SLC7A5: variants seen among roughly 807,000 people sequenced by gnomAD.
SLC7A5 encodes the protein solute carrier family 7 member 5.
SLC7A5 carries 23 observed loss-of-function variants against 50.2 expected under a neutral mutation model. That is an observed-to-expected ratio of 0.46 (90% CI 0.33 to 0.65). SLC7A5 has a LOEUF of 0.65. Among genes scored for constraint, SLC7A5 ranks in the 30% least tolerant of loss-of-function variants. SLC7A5 has a pLI of 0.02. For missense variants in SLC7A5, 578 were observed against 684.4 expected, an observed-to-expected ratio of 0.84 and a Z score of 1.73; for synonymous variants, 393 against 330.6, an observed-to-expected ratio of 1.19 and a Z score of -2.05.
At chr16:87,845,060 G>T (rs1292259319) in intron 2 of SLC7A5, among the ~76,000 whole-genome samples, 1 of 152,160 alleles carries the variant, frequency 6.6e-6, no homozygotes, top group Non-Finnish European at 1.5e-5. Context: ...AGCTGGAAGG[G>T]GAAGGTGGCA....
rs16943300 is a variant in SLC7A5, at chr16:87,830,663, G to A, written c.*2307C>T. On this transcript the variant is annotated 3_prime_UTR_variant, in exon 10 of 10. Coordinates refer to ENST00000261622, the MANE Select transcript of SLC7A5 (RefSeq NM_003486.7). ...ACTGGACCCCCCACCAACCTTCTGC[G>A]GAGGAGCTCCCACCCCAGCTCAGAC... The A allele has an allele frequency of 0.066, 10,006 of 152,386 alleles. 382 individuals are homozygous for A. The highest frequency in any genetic ancestry group is 0.15 in the Middle Eastern group (44 of 296). 9.4% of individuals were successfully genotyped at this position (152,386 alleles called of 1,614,324 possible).
intron 8 of SLC7A5, 58 bp from the exon 9 acceptor site, chr16:87,834,649 G>A: frequency 6.5e-6 from 10 of 1,542,702 alleles, no homozygotes; most frequent in Non-Finnish European, 8.8e-6. Flanking sequence ...CCTCCCCCAT[G>A]CCCCGAGGTT....
Position 87,869,323 on chromosome 16 carries a change from C to A in SLC7A5, c.100G>T (p.Gly34Cys), listed in dbSNP as rs1395953845. 1.2e-6 allele frequency: 2 copies of A among 1,610,392 alleles called. No individual in the cohort carries two copies. Among genetic ancestry groups the A allele is most frequent in the African/African-American group, 1.3e-5 (1 of 74,856 alleles). Residue 34 changes from glycine (G) to cysteine (C), a missense_variant, in exon 1 of 10, where the codon GGC (glycine) becomes TGC (cysteine). By Grantham distance (159) the Gly-to-Cys change is radical. Around this residue, in one of 2 missense-constraint regions of SLC7A5, gnomAD observed 113 missense variants for 89.8 expected, o/e 1.26. Transcript: ENST00000261622. ...EKMLAAKSADGSAPAGEGEGV... is the reference protein window; with the variant it reads ...EKMLAAKSADCSAPAGEGEGV... ...TCGCCCTCGCCTGCCGGCGCCGAGC[C>A]GTCCGCGCTCTTGGCGGCCAGCATC... is the stretch of plus-strand genomic sequence containing the variant.
chr16:87,836,920 T>G, intron 7 of SLC7A5: 10 of 474,378 alleles, frequency 2.1e-5, no homozygotes, highest in East Asian at 1.2e-4. Flanking sequence ...GAGACCACAT[T>G]TGGGTTAAGG....
At chr16:87,858,177 C>A (rs2055344180) in intron 1 of SLC7A5, among the ~76,000 whole-genome samples, 1 of 152,224 alleles carries the variant, frequency 6.6e-6, no homozygotes, top group Non-Finnish European at 1.5e-5. Context: ...TGAACTCCGG[C>A]AAGTTCCTTT....
chr16:87,831,722 A>G lies in SLC7A5; in HGVS notation c.*1248T>C, dbSNP rs1254827370. 6.6e-6 allele frequency: 1 copy of G among 152,278 alleles called. No individual in the cohort carries two copies. The highest frequency in any genetic ancestry group is 2.4e-5 in the African/African-American group (1 of 41,458). The allele number at this position is 152,278 out of a possible 1,614,324, so 9.4% of individuals were successfully genotyped here. A position where few individuals can be genotyped will look rare whatever the true frequency, so the allele number is the denominator to read the frequency against. On this transcript the variant is annotated 3_prime_UTR_variant, in exon 10 of 10. Coordinates refer to ENST00000261622, the MANE Select transcript of SLC7A5 (RefSeq NM_003486.7). The stretch of plus-strand genomic sequence containing the variant: ...GCCATGGAGGCAGCGACAGCTCAGG[A>G]AAGTGGGCCGCATTGGCCAGGCCTC...
intron 1 of SLC7A5, among the ~76,000 whole-genome samples, chr16:87,856,835 A>G (rs4240805): frequency 0.36 from 54,633 of 151,936 alleles, 11,787 homozygotes; most frequent in African/African-American, 0.61. Context: ...GGGGGAACTT[A>G]TAAAAGCAGT....
Position 87,869,195 on chromosome 16 carries a change from G to C in SLC7A5, c.228C>G (p.Leu76=), listed in dbSNP as rs755737534. 5.0e-6 allele frequency: 8 copies of C among 1,612,444 alleles called. No individual in the cohort carries two copies. The highest frequency in any genetic ancestry group is 6.8e-6 in the Non-Finnish European group (8 of 1,179,836). The change falls in exon 1 of 10, where the codon CTC becomes CTG. Residue 76 remains leucine (L), a synonymous_variant. Transcript: ENST00000261622. ...CCAGCCCCGGCGAGCCTGCCTCCTT[G>C]AGCACGCCCGTGGGCGTCACGAAGA... is the stretch of plus-strand genomic sequence containing the variant. The part of the protein sequence containing the change: ...SGIFVTPTGV[L]KEAGSPGLAL...
rs1372602416 is a variant in SLC7A5 at position 87,860,449 on chromosome 16, A to G, written c.538+8436T>C. Among the ~76,000 whole-genome samples, 1 of 149,744 alleles carries G rather than the reference A, an allele frequency of 6.7e-6. No homozygotes were observed. Among genetic ancestry groups the G allele is most frequent in the Non-Finnish European group, 1.5e-5 (1 of 67,694 alleles). ...TCTTCGAACCCACCTGTGACCAGGAAGCCCATCCCCGCCTTGGAGTTGTCC... is the reference window on the plus strand; with the variant it reads ...TCTTCGAACCCACCTGTGACCAGGAGGCCCATCCCCGCCTTGGAGTTGTCC... On this transcript the variant is annotated intron_variant, in intron 1 of 9. Coordinates refer to ENST00000261622, the MANE Select transcript of SLC7A5 (RefSeq NM_003486.7). This position sits in a 1 kb window ranked among gnomAD's most constrained non-coding sequence, Gnocchi z 4.8.
intron 2 of SLC7A5, among the ~76,000 whole-genome samples, chr16:87,850,704 C>T (rs1355867612): frequency 6.6e-6 from 1 of 152,202 alleles, no homozygotes; most frequent in Non-Finnish European, 1.5e-5. Flanking sequence ...AGCAACAGGG[C>T]CCCCCACTTC....
Position 87,833,051 on chromosome 16 carries a change from T to C in SLC7A5, c.1469-26A>G, listed in dbSNP as rs778284568. 2.0e-5 allele frequency: 33 copies of C among 1,610,988 alleles called. No homozygotes were observed. Among genetic ancestry groups the C allele is most frequent in the Non-Finnish European group, 2.7e-5 (32 of 1,177,544 alleles). ...CTGTCAGGAGAGAAGACAGCTGTGT[T>C]AGCCTGGGGGCTGGGTAGGCACCCG... On this transcript the variant is annotated intron_variant, in intron 9 of 9. Transcript: ENST00000261622. This position sits in a 1 kb window ranked among gnomAD's most constrained non-coding sequence, Gnocchi z 6.0.
intron 1 of SLC7A5, among the ~76,000 whole-genome samples, chr16:87,857,997 G>T (rs1286129080): frequency 6.6e-6 from 1 of 152,176 alleles, no homozygotes; most frequent in Non-Finnish European, 1.5e-5. Flanking sequence ...GTAAGCAGGA[G>T]AACTGGAAAA....
rs1373153181 is a variant in SLC7A5, at chr16:87,833,218, A to G, written c.1469-193T>C. 6.6e-6 allele frequency among the ~76,000 whole-genome samples: 1 copy of G among 152,228 alleles called. No homozygotes were observed. Among genetic ancestry groups the G allele is most frequent in the Non-Finnish European group, 1.5e-5 (1 of 68,034 alleles). The stretch of plus-strand genomic sequence containing the variant: ...CCGGGTGCCCGAGGCGCTGTCTTCA[A>G]CTGAAATGCGGAAGTGCCACATCCC... On this transcript the variant is annotated intron_variant, in intron 9 of 9. Transcript: ENST00000261622. This position sits in a 1 kb window ranked among gnomAD's most constrained non-coding sequence, Gnocchi z 6.0.
chr16:87,834,976 C>T lies in SLC7A5; in HGVS notation c.1291-385G>A, dbSNP rs1383310256. 4.6e-5 allele frequency among the ~76,000 whole-genome samples: 7 copies of T among 152,252 alleles called. 1 individual carries two copies. In the East Asian group the frequency reaches 1.3e-3, roughly 29 times the overall value. On this transcript the variant is annotated intron_variant, in intron 8 of 9. Transcript: ENST00000261622. ...GGCCACCCACTAATAAGCCAGGAGA[C>T]CACCCTCTTGGAGACGCCGCTGTGG...
chr16:87,831,388 G>A lies in SLC7A5; in HGVS notation c.*1582C>T, dbSNP rs1268172054. The stretch of plus-strand genomic sequence containing the variant: ...TTCATCAGGTTTCTCCGGGCCCACT[G>A]GATGGTGAGGGGGTCCCGGTGCCCA... On this transcript the variant is annotated 3_prime_UTR_variant, in exon 10 of 10. Transcript: ENST00000261622. The A allele has an allele frequency of 6.6e-6, 1 of 152,280 alleles. No individual in the cohort carries two copies. The highest frequency in any genetic ancestry group is 1.5e-5 in the Non-Finnish European group (1 of 68,074). 9.4% of individuals were successfully genotyped at this position (152,280 alleles called of 1,614,324 possible).
chr16:87,853,681 T>C lies in SLC7A5; in HGVS notation c.539-1832A>G, dbSNP rs115853896. On this transcript the variant is annotated intron_variant, in intron 1 of 9. Transcript: ENST00000261622. This position sits in a 1 kb window ranked among gnomAD's most constrained non-coding sequence, Gnocchi z 4.4. ...GGGGGAGCACGACCATAAAAGAAACTGAGCCTCGGGGACCTAGCCGGCTTC... is the reference window on the plus strand; with the variant it reads ...GGGGGAGCACGACCATAAAAGAAACCGAGCCTCGGGGACCTAGCCGGCTTC... 1.7e-3 allele frequency among the ~76,000 whole-genome samples: 257 copies of C among 152,254 alleles called. No individual in the cohort carries two copies. Among genetic ancestry groups the C allele is most frequent in the African/African-American group, 5.8e-3 (239 of 41,562 alleles).
chr16:87,844,759 C>T (rs1267295913), intron 2 of SLC7A5, among the ~76,000 whole-genome samples: 2 of 152,270 alleles, frequency 1.3e-5, no homozygotes, highest in South Asian at 2.1e-4. Flanking sequence ...ACTCCTCAAG[C>T]GCGGACTTTC....
At chr16:87,847,281 G>C (rs2055165758) in intron 2 of SLC7A5, among the ~76,000 whole-genome samples, 1 of 152,210 alleles carries the variant, frequency 6.6e-6, no homozygotes, top group Admixed American at 6.5e-5. Context: ...CCCAGCAGCT[G>C]GGCATGTGCT....
At chr16:87,838,001 G>A in intron 6 of SLC7A5, 60 bp from the exon 7 acceptor site, 1 of 1,298,318 alleles carries the variant, frequency 7.7e-7, no homozygotes, top group Admixed American at 2.0e-5. Context: ...ACGTGGACAG[G>A]GGACACGCAG....
Sources: allele counts gnomAD v4.1 joint callset (sites outside exome capture counted in the v4.1 genomes callset), GRCh38; gene constraint gnomAD v4.1.1; regional missense constraint gnomAD v4.1.1; non-coding constraint Gnocchi (gnomAD v3.1); transcripts MANE v1.5; gene names NCBI Gene and HGNC (gene_info 2026-07-23, HGNC 2026-07-21).